The following PRORP variants were observed in gnomAD, a reference collection of about 807,000 sequenced individuals.
PRORP encodes the protein mitochondrial ribonuclease P catalytic subunit.
A neutral mutation model predicts 59.4 loss-of-function variants in PRORP; 51 were observed. That is an observed-to-expected ratio of 0.86 (90% CI 0.69 to 1.08). The LOEUF (loss-of-function observed/expected upper bound fraction) is 1.08. PRORP is among the 50% of genes least tolerant of loss of function. PRORP has a pLI of 0.00. For missense variants in PRORP, 646 were observed against 690.3 expected (o/e 0.94, Z 0.72); for synonymous variants, 231 against 245.6 (o/e 0.94, Z 0.55).
chr14:35,150,673 G>A (rs1302612526), intron 4 of PRORP, among the ~76,000 whole-genome samples: 3 of 152,190 alleles, frequency 2.0e-5, no homozygotes, highest in Non-Finnish European at 4.4e-5. Context: ...GCTTGAAGCA[G>A]TGTACTTTCC....
At chr14:35,121,916 T>A, upstream of PRORP, 2 of 1,614,130 alleles carry the variant, frequency 1.2e-6, no homozygotes, top group South Asian at 2.2e-5. Context: ...TGGACAGGTG[T>A]TGGGCGTCGC....
intron 5 of PRORP, among the ~76,000 whole-genome samples, chr14:35,217,031 T>C (rs1166431409): frequency 6.6e-6 from 1 of 152,272 alleles, no homozygotes; most frequent in Non-Finnish European, 1.5e-5. Flanking sequence ...GAGTTCTTTA[T>C]GCATTTTGGA....
At chr14:35,128,570 T>G (rs955919680) in intron 4 of PRORP, among the ~76,000 whole-genome samples, 2 of 152,116 alleles carry the variant, frequency 1.3e-5, no homozygotes, top group Non-Finnish European at 2.9e-5. Flanking sequence ...CTTAATATAT[T>G]GAATCTGTCT....
intron 5 of PRORP, among the ~76,000 whole-genome samples, chr14:35,236,607 T>G (rs1211285168): frequency 2.0e-5 from 3 of 152,242 alleles, no homozygotes; most frequent in African/African-American, 7.2e-5. Flanking sequence ...GATTCCTTTC[T>G]TCTTGAAATT....
intron 4 of PRORP, among the ~76,000 whole-genome samples, chr14:35,152,472 G>A (rs982577425): frequency 1.2e-4 from 19 of 152,304 alleles, no homozygotes; most frequent in Non-Finnish European, 1.9e-4. Context: ...GATGGTGGCC[G>A]GGCAGAGGGG....
intron 4 of PRORP, among the ~76,000 whole-genome samples, chr14:35,137,666 A>G (rs909729468): frequency 1.4e-5 from 2 of 145,560 alleles, no homozygotes; most frequent in African/African-American, 4.9e-5. Flanking sequence ...GTGTGATTTA[A>G]TATATTTCCA....
chr14:35,146,748 T>C lies in PRORP; in HGVS notation c.1167+19137T>C, dbSNP rs78132549. 0.023 allele frequency among the ~76,000 whole-genome samples: 3,553 copies of C among 152,290 alleles called. 330 individuals carry two copies. In the East Asian group the frequency reaches 0.34, roughly 15 times the overall value. On this transcript the variant is annotated intron_variant, in intron 4 of 7. Coordinates refer to ENST00000534898, the MANE Select transcript of PRORP (RefSeq NM_014672.4). ...TTGGTTCTAAGCTTTATCGTAAATA[T>C]TGCAATAAAGTGAGTCACACAAATT...
intron 5 of PRORP, among the ~76,000 whole-genome samples, chr14:35,186,749 G>A (rs954147428): frequency 2.0e-5 from 3 of 151,662 alleles, no homozygotes; most frequent in Non-Finnish European, 4.4e-5. Flanking sequence ...ACACCACCAG[G>A]CCCAGCTAAT....
chr14:35,173,621 G>A (rs954736456), intron 4 of PRORP, among the ~76,000 whole-genome samples: 1 of 152,028 alleles, frequency 6.6e-6, no homozygotes, highest in Non-Finnish European at 1.5e-5. Context: ...AAGTTCTGCA[G>A]CTTTCTGCTT....
chr14:35,266,394 A>G (rs1476350657), intron 5 of PRORP, among the ~76,000 whole-genome samples: 1 of 151,500 alleles, frequency 6.6e-6, no homozygotes, highest in Non-Finnish European at 1.5e-5. Context: ...AAGTGGGAGG[A>G]TTGCTTGAGC....
upstream of PRORP, chr14:35,122,052 G>A: frequency 7.1e-7 from 1 of 1,401,120 alleles, no homozygotes. Context: ...GCCCCGTAAA[G>A]GTTAGGAAGG....
chr14:35,180,100 G>A (rs956175486), intron 4 of PRORP, among the ~76,000 whole-genome samples: 2 of 152,142 alleles, frequency 1.3e-5, no homozygotes, highest in African/African-American at 2.4e-5. Flanking sequence ...TAGAAGCTTC[G>A]TCTCAGGGGT....
chr14:35,230,602 C>T (rs1028829539), intron 5 of PRORP, among the ~76,000 whole-genome samples: 3 of 152,080 alleles, frequency 2.0e-5, no homozygotes, highest in African/African-American at 7.2e-5. Context: ...TCCTGCATTA[C>T]AATTATGAAA....
Position 35,123,200 on chromosome 14 carries a change from T to G in PRORP, c.-46T>G. 1.3e-6 allele frequency: 2 copies of G among 1,550,326 alleles called. No individual in the cohort carries two copies. The highest frequency in any genetic ancestry group is 1.7e-6 in the Non-Finnish European group (2 of 1,152,898). ...CTTTAATTTTGCCATAGAAGAGGGG[T>G]TTTTTCAACATCTCTCTCACTATCT... is the stretch of plus-strand genomic sequence containing the variant. On this transcript the variant is annotated 5_prime_UTR_variant, in exon 2 of 8. Transcript: ENST00000534898.
rs114665222 is a variant in PRORP, at chr14:35,268,574, T to A, written c.1424+1699T>A. Among the ~76,000 whole-genome samples the A allele has an allele frequency of 8.6e-3, 1,303 of 152,256 alleles. 28 individuals carry two copies. Among genetic ancestry groups the A allele is most frequent in the African/African-American group, 0.029 (1,201 of 41,554 alleles). On this transcript the variant is annotated intron_variant, in intron 6 of 7. Transcript: ENST00000534898. ...GGTTTCATAGTCTGAATGTGATAAC[T>A]TCAAGATTTGTCAGTATTCTCCAAA...
chr14:35,126,631 C>A (rs2047105295), intron 2 of PRORP, 104 bp from the exon 3 acceptor site: 1 of 837,154 alleles, frequency 1.2e-6, no homozygotes, highest in Non-Finnish European at 1.9e-6. Flanking sequence ...GTATCTTGAA[C>A]TTTTCGGACT....
intron 4 of PRORP, among the ~76,000 whole-genome samples, chr14:35,157,428 T>G (rs1282247646): frequency 1.3e-5 from 2 of 152,220 alleles, no homozygotes; most frequent in Non-Finnish European, 2.9e-5. Context: ...GAACTGATTA[T>G]TAAGTACCAG....
At chr14:35,271,779 C>T (rs1209532755) in intron 7 of PRORP, among the ~76,000 whole-genome samples, 1 of 152,138 alleles carries the variant, frequency 6.6e-6, no homozygotes, top group Non-Finnish European at 1.5e-5. Context: ...AATCTCAACA[C>T]TTTGGGAGGC....
chr14:35,208,510 G>A (rs73236972), intron 5 of PRORP, among the ~76,000 whole-genome samples: 3 of 152,252 alleles, frequency 2.0e-5, no homozygotes, highest in African/African-American at 7.2e-5. Context: ...AAATTAACAG[G>A]TCAAATAGTT....
Sources: allele counts gnomAD v4.1 joint callset (sites outside exome capture counted in the v4.1 genomes callset), GRCh38; gene constraint gnomAD v4.1.1; transcripts MANE v1.5; gene names NCBI Gene and HGNC (gene_info 2026-07-23, HGNC 2026-07-21).